The following HS3ST5 variants were observed in gnomAD, a reference collection of about 807,000 sequenced individuals.
HS3ST5 encodes the protein heparan sulfate-glucosamine 3-sulfotransferase 5.
A neutral mutation model predicts 25.4 loss-of-function variants in HS3ST5; 10 were observed. The ratio of observed to expected loss-of-function variants is 0.39; its 90% confidence interval spans 0.24 to 0.67. The LOEUF is 0.67. Among genes scored for constraint, HS3ST5 ranks in the 30% least tolerant of loss-of-function variants. The pLI, the probability that HS3ST5 is intolerant of heterozygous loss-of-function variation, is 0.44. For synonymous variants in HS3ST5, 170 were observed against 162.4 expected, an observed-to-expected ratio of 1.05 and a Z score of -0.36; for missense variants, 324 against 420.7, an observed-to-expected ratio of 0.77 and a Z score of 2.01.
intron 3 of HS3ST5, among the ~76,000 whole-genome samples, chr6:114,149,943 CT>C (rs1427414110): frequency 6.6e-6 from 1 of 152,092 alleles, no homozygotes; most frequent in Non-Finnish European, 1.5e-5. Flanking sequence ...AAGAGACAGG[CT>C]TAAAAGAGTT....
At chr6:114,321,527 T>C (rs1404974818) in intron 1 of HS3ST5, among the ~76,000 whole-genome samples, 1 of 152,126 alleles carries the variant, frequency 6.6e-6, no homozygotes, top group Non-Finnish European at 1.5e-5. Flanking sequence ...CTGAAGAAGC[T>C]GGGGACTCCA....
chr6:114,330,803 C>T (rs17076049), intron 1 of HS3ST5, among the ~76,000 whole-genome samples: 2,948 of 152,162 alleles, frequency 0.019, 97 homozygotes, highest in African/African-American at 0.067. Context: ...CTGCAACATG[C>T]GTCATTACCA....
intron 3 of HS3ST5, among the ~76,000 whole-genome samples, chr6:114,074,085 G>A (rs979948946): frequency 5.3e-5 from 8 of 152,172 alleles, no homozygotes; most frequent in African/African-American, 1.9e-4. Context: ...ATAAGTGGGA[G>A]CTGAACAATG....
At chr6:114,153,352 G>A (rs1259850688) in intron 3 of HS3ST5, among the ~76,000 whole-genome samples, 1 of 152,082 alleles carries the variant, frequency 6.6e-6, no homozygotes, top group Non-Finnish European at 1.5e-5. Context: ...GGTATAGGTG[G>A]AAATATTTAC....
intron 3 of HS3ST5, among the ~76,000 whole-genome samples, chr6:114,100,461 CTT>C (rs1421696474): frequency 6.6e-6 from 1 of 152,148 alleles, no homozygotes; most frequent in Non-Finnish European, 1.5e-5. Context: ...GATATCAACT[CTT>C]GACACATTTT....
intron 1 of HS3ST5, among the ~76,000 whole-genome samples, chr6:114,333,058 T>C (rs1480207340): frequency 6.6e-6 from 1 of 152,116 alleles, no homozygotes; most frequent in Non-Finnish European, 1.5e-5. Context: ...CATGATCAGA[T>C]TTGTAGTCAG....
intron 1 of HS3ST5, among the ~76,000 whole-genome samples, chr6:114,240,616 T>G (rs1772070034): frequency 6.6e-6 from 1 of 152,150 alleles, no homozygotes; most frequent in Admixed American, 6.5e-5. Context: ...CAAATATATT[T>G]TTGTAATTTA....
At chr6:114,062,967 G>A in intron 3 of HS3ST5, 90 bp from the exon 4 acceptor site, 1 of 679,024 alleles carries the variant, frequency 1.5e-6, no homozygotes, top group Non-Finnish European at 2.6e-6. Flanking sequence ...GGTGATAAGT[G>A]ACACTGCACA....
At chr6:114,282,372 G>C (rs1166272512) in intron 1 of HS3ST5, among the ~76,000 whole-genome samples, 1 of 151,910 alleles carries the variant, frequency 6.6e-6, no homozygotes, top group African/African-American at 2.4e-5. Flanking sequence ...ATATGTAAAA[G>C]AAGCTGGTAT....
chr6:114,165,896 C>G (rs1190732337), intron 3 of HS3ST5, among the ~76,000 whole-genome samples: 3 of 152,036 alleles, frequency 2.0e-5, no homozygotes, highest in Admixed American at 2.0e-4. Context: ...AAGTTAAAAA[C>G]CTAAGCCAGG....
At chr6:114,081,457 A>G (rs1259439885) in intron 3 of HS3ST5, among the ~76,000 whole-genome samples, 1 of 152,234 alleles carries the variant, frequency 6.6e-6, no homozygotes, top group African/African-American at 2.4e-5. Context: ...TTTTTGTAAA[A>G]GTACAGAACT....
chr6:114,315,231 G>A (rs1232313692), intron 1 of HS3ST5, among the ~76,000 whole-genome samples: 1 of 152,100 alleles, frequency 6.6e-6, no homozygotes, highest in Non-Finnish European at 1.5e-5. Flanking sequence ...ACCTATTTTA[G>A]CATTATTTAT....
At chr6:114,146,911 CTCTTT>C (rs1398644623) in intron 3 of HS3ST5, among the ~76,000 whole-genome samples, 1 of 152,164 alleles carries the variant, frequency 6.6e-6, no homozygotes, top group African/African-American at 2.4e-5. Context: ...GCCATTAAAC[CTCTTT>C]TCTTTATAAA....
intron 1 of HS3ST5, among the ~76,000 whole-genome samples, chr6:114,247,755 A>G (rs1772446463): frequency 6.6e-6 from 1 of 151,150 alleles, no homozygotes; most frequent in Non-Finnish European, 1.5e-5. Flanking sequence ...CTTATTTAAT[A>G]TCCATATTTT....
intron 2 of HS3ST5, among the ~76,000 whole-genome samples, chr6:114,199,552 A>G (rs1780914924): frequency 2.0e-5 from 3 of 150,642 alleles, no homozygotes; most frequent in African/African-American, 4.9e-5. Context: ...TTATTTTACA[A>G]CCAGAGTTAA....
chr6:114,250,580 C>CA (rs11289635), intron 1 of HS3ST5, among the ~76,000 whole-genome samples: 5,498 of 118,856 alleles, frequency 0.046, 119 homozygotes, highest in Middle Eastern at 0.072. Context: ...GACTCCGTCT[C>CA]AAAAAAAAAA....
chr6:114,181,149 T>A (rs1279133489), intron 2 of HS3ST5, among the ~76,000 whole-genome samples: 2 of 152,228 alleles, frequency 1.3e-5, no homozygotes, highest in Admixed American at 1.3e-4. Flanking sequence ...TCTTTCCAGA[T>A]CTTCATCCTG....
chr6:114,235,105 A>G (rs1040473812), intron 1 of HS3ST5, among the ~76,000 whole-genome samples: 2 of 152,212 alleles, frequency 1.3e-5, no homozygotes, highest in East Asian at 1.9e-4. Context: ...CCTGGGCGAC[A>G]GAGCAAAGCT....
intron 1 of HS3ST5, among the ~76,000 whole-genome samples, chr6:114,279,668 A>G (rs1325554120): frequency 6.6e-6 from 1 of 151,896 alleles, no homozygotes; most frequent in African/African-American, 2.4e-5. Flanking sequence ...TGGCCCCGGT[A>G]TGGCTGGATT....
Sources: gnomAD v4.1 joint callset for allele counts (sites outside exome capture counted in the v4.1 genomes callset) on GRCh38, gnomAD v4.1.1 for gene constraint, MANE v1.5 for transcripts, NCBI Gene and HGNC (gene_info 2026-07-23, HGNC 2026-07-21) for gene names.